The following GPC5 variants were observed in gnomAD, a reference collection of about 807,000 sequenced individuals.
GPC5 encodes the protein glypican-5.
GPC5 carries 47 observed loss-of-function variants against 53.9 expected under a neutral mutation model. That is an observed-to-expected ratio of 0.87 (90% confidence interval 0.69 to 1.11). The LOEUF is 1.11. Among genes scored for constraint, GPC5 ranks in the 50% most tolerant of loss-of-function variants. GPC5 has a pLI of 0.00. For synonymous variants in GPC5, 286 were observed against 263.3 expected, an observed-to-expected ratio of 1.09 and a Z score of -0.84; for missense variants, 748 against 713.1, an observed-to-expected ratio of 1.05 and a Z score of -0.56.
intron 7 of GPC5, among the ~76,000 whole-genome samples, chr13:92,847,183 A>G (rs1271129731): frequency 6.6e-6 from 1 of 152,146 alleles, no homozygotes; most frequent in Non-Finnish European, 1.5e-5. Flanking sequence ...TAGAGAATCA[A>G]TATCCTTTTT....
intron 7 of GPC5, among the ~76,000 whole-genome samples, chr13:92,221,562 C>A (rs2042448673): frequency 6.6e-6 from 1 of 152,118 alleles, no homozygotes; most frequent in South Asian, 2.1e-4. Context: ...CCTAAGCTCC[C>A]ATGACTTCAA....
chr13:92,604,617 C>A (rs1038081877), intron 7 of GPC5, among the ~76,000 whole-genome samples: 1 of 152,120 alleles, frequency 6.6e-6, no homozygotes, highest in Non-Finnish European at 1.5e-5. Context: ...ACTATTGTTT[C>A]TCAAACTGAG....
chr13:92,129,930 T>A (rs912169070), intron 6 of GPC5, among the ~76,000 whole-genome samples: 2 of 152,072 alleles, frequency 1.3e-5, no homozygotes, highest in East Asian at 1.9e-4. Context: ...GGTCAAAAAT[T>A]TTGTAAAATT....
intron 6 of GPC5, among the ~76,000 whole-genome samples, chr13:91,968,758 G>A (rs992179831): frequency 8.6e-5 from 13 of 151,678 alleles, no homozygotes; most frequent in African/African-American, 1.2e-4. Flanking sequence ...CACTGCGCCC[G>A]GGCAATAATT....
At chr13:91,671,287 G>A (rs1229026294) in intron 2 of GPC5, among the ~76,000 whole-genome samples, 2 of 152,132 alleles carry the variant, frequency 1.3e-5, no homozygotes, top group African/African-American at 4.8e-5. Context: ...GAATAGTCTT[G>A]ATACTTGAGA....
At chr13:92,164,846 T>G (rs1031516782) in intron 7 of GPC5, among the ~76,000 whole-genome samples, 11 of 152,328 alleles carry the variant, frequency 7.2e-5, no homozygotes, top group Non-Finnish European at 7.3e-5. Flanking sequence ...TCCTCTGAAA[T>G]CTAGACAGAG....
At chr13:92,207,193 C>A (rs1414263652) in intron 7 of GPC5, among the ~76,000 whole-genome samples, 1 of 152,154 alleles carries the variant, frequency 6.6e-6, no homozygotes, top group Non-Finnish European at 1.5e-5. Context: ...CCTCTCTTTC[C>A]TTTCCCATTC....
intron 7 of GPC5, among the ~76,000 whole-genome samples, chr13:92,609,828 C>T (rs1415101768): frequency 6.6e-6 from 1 of 151,840 alleles, no homozygotes; most frequent in African/African-American, 2.4e-5. Flanking sequence ...GTCAGGAGTT[C>T]GAGATCAGTC....
intron 5 of GPC5, among the ~76,000 whole-genome samples, chr13:91,853,168 G>T (rs1041425265): frequency 5.9e-5 from 9 of 152,012 alleles, no homozygotes; most frequent in Non-Finnish European, 2.9e-5. Flanking sequence ...GAAATAGTAA[G>T]TTGATATTAA....
intron 2 of GPC5, among the ~76,000 whole-genome samples, chr13:91,492,665 A>G (rs1884006512): frequency 6.6e-6 from 1 of 152,204 alleles, no homozygotes; most frequent in Non-Finnish European, 1.5e-5. Flanking sequence ...ATCTGCCAGA[A>G]ATACCCTCAG....
intron 3 of GPC5, among the ~76,000 whole-genome samples, chr13:91,719,420 G>C (rs886295842): frequency 6.6e-6 from 1 of 152,176 alleles, no homozygotes; most frequent in Non-Finnish European, 1.5e-5. Context: ...CATTATCCAA[G>C]ATCATTATTC....
chr13:91,718,173 C>CGATCTCG (rs914293993), intron 3 of GPC5, among the ~76,000 whole-genome samples: 7 of 151,756 alleles, frequency 4.6e-5, no homozygotes, highest in African/African-American at 1.5e-4. Flanking sequence ...TGCAGTGGCG[C>CGATCTCG]GATCTCGGCT....
At chr13:91,603,398 T>A (rs7989849) in intron 2 of GPC5, among the ~76,000 whole-genome samples, 1 of 152,210 alleles carries the variant, frequency 6.6e-6, no homozygotes, top group Admixed American at 6.5e-5. Flanking sequence ...GAAGTGCACA[T>A]CTTTGTCTCA....
At chr13:92,535,468 GA>G (rs1482037861) in intron 7 of GPC5, among the ~76,000 whole-genome samples, 1 of 152,006 alleles carries the variant, frequency 6.6e-6, no homozygotes, top group African/African-American at 2.4e-5. Flanking sequence ...TATATAGAGG[GA>G]AAGAAAACAG....
intron 7 of GPC5, among the ~76,000 whole-genome samples, chr13:92,713,630 A>G (rs1159648902): frequency 4.6e-5 from 7 of 151,568 alleles, no homozygotes; most frequent in Non-Finnish European, 1.0e-4. Context: ...AAAAAGTTCA[A>G]TATTTTTAAC....
rs541570082 is a variant in GPC5, at chr13:91,910,376, C to T, written c.1401+2319C>T. Among the ~76,000 whole-genome samples the T allele has an allele frequency of 1.8e-3, 276 of 152,258 alleles. 3 individuals are homozygous for T. Among genetic ancestry groups the T allele is most frequent in the South Asian group, 9.9e-3 (48 of 4,826 alleles). ...GAATTTATTAATTTAGGAGTAGGGCCATGGAAGACGTCGACATAGGAATAG... is the reference window on the plus strand; with the variant it reads ...GAATTTATTAATTTAGGAGTAGGGCTATGGAAGACGTCGACATAGGAATAG... On this transcript the variant is annotated intron_variant, in intron 6 of 7. Transcript: ENST00000377067.
At chr13:92,281,610 C>T (rs140078868) in intron 7 of GPC5, among the ~76,000 whole-genome samples, 1 of 152,180 alleles carries the variant, frequency 6.6e-6, no homozygotes, top group African/African-American at 2.4e-5. Context: ...GTTCTGCCAC[C>T]TCTGCTGCTG....
intron 6 of GPC5, among the ~76,000 whole-genome samples, chr13:92,142,209 GA>G (rs537944116): frequency 1.4e-4 from 22 of 152,178 alleles, no homozygotes; most frequent in African/African-American, 5.3e-4. Context: ...TTAAAAAAGG[GA>G]AAAAAATCAT....
intron 1 of GPC5, among the ~76,000 whole-genome samples, chr13:91,437,431 TCTC>T: frequency 6.6e-6 from 1 of 152,340 alleles, no homozygotes. Context: ...GTATTTTATT[TCTC>T]CTCATTTATG....
Sources: allele counts gnomAD v4.1 joint callset (sites outside exome capture counted in the v4.1 genomes callset), GRCh38; gene constraint gnomAD v4.1.1; transcripts MANE v1.5; gene names NCBI Gene and HGNC (gene_info 2026-07-23, HGNC 2026-07-21).